CHCHD6: variants seen among roughly 807,000 people sequenced by gnomAD.
CHCHD6 encodes the protein MICOS complex subunit MIC25.
In CHCHD6, 28 loss-of-function variants were observed where a neutral mutation model predicts 32.3. The ratio of observed to expected loss-of-function variants is 0.87; its 90% CI spans 0.64 to 1.19. The LOEUF (loss-of-function observed/expected upper bound fraction) is 1.19, where lower values mean the gene tolerates loss of function less well. Ranked by LOEUF, CHCHD6 falls within the 50% of genes most tolerant of loss-of-function variation. The pLI, the probability that CHCHD6 is intolerant of heterozygous loss-of-function variation, is 0.00. For missense variants in CHCHD6, 333 were observed against 307.0 expected (o/e 1.08, Z -0.63); for synonymous variants, 122 against 117.5 (o/e 1.04, Z -0.25).
chr3:126,762,906 A>G (rs1301054737), intron 4 of CHCHD6, among the ~76,000 whole-genome samples: 6 of 152,098 alleles, frequency 3.9e-5, no homozygotes, highest in Non-Finnish European at 8.8e-5. Flanking sequence ...GTTATTTTGC[A>G]TACTTTCAGT....
intron 6 of CHCHD6, among the ~76,000 whole-genome samples, chr3:126,916,808 A>T (rs2078177992): frequency 6.6e-6 from 1 of 152,258 alleles, no homozygotes; most frequent in African/African-American, 2.4e-5. Flanking sequence ...TGACAGCTAC[A>T]GCATGGATGT....
intron 7 of CHCHD6, chr3:126,957,896 G>A (rs2078809479): frequency 2.5e-6 from 1 of 399,064 alleles, no homozygotes; most frequent in African/African-American, 2.0e-5. Context: ...GCACTTAGGG[G>A]TGGGAGGGTG....
intron 5 of CHCHD6, among the ~76,000 whole-genome samples, chr3:126,864,372 T>C (rs533593711): frequency 1.5e-5 from 2 of 133,270 alleles, no homozygotes; most frequent in African/African-American, 5.8e-5. Context: ...CATCACCACC[T>C]CCACCATCAC....
chr3:126,931,898 G>A (rs1283637854), intron 6 of CHCHD6, among the ~76,000 whole-genome samples: 2 of 152,140 alleles, frequency 1.3e-5, no homozygotes, highest in Admixed American at 6.5e-5. Context: ...CGCCTGGGAC[G>A]GGGAGCCCTC....
intron 4 of CHCHD6, among the ~76,000 whole-genome samples, chr3:126,846,677 C>T (rs114710006): frequency 0.01 from 1,549 of 152,250 alleles, 24 homozygotes; most frequent in African/African-American, 0.035. Context: ...TATCTTCACA[C>T]GTGATATTTA....
intron 5 of CHCHD6, among the ~76,000 whole-genome samples, chr3:126,861,238 A>G (rs1480779318): frequency 1.3e-5 from 2 of 152,034 alleles, no homozygotes; most frequent in African/African-American, 4.8e-5. Context: ...CCACAGACCT[A>G]CAGTTTTTCC....
At chr3:126,807,199 A>T (rs1017730764) in intron 4 of CHCHD6, among the ~76,000 whole-genome samples, 1 of 152,078 alleles carries the variant, frequency 6.6e-6, no homozygotes, top group African/African-American at 2.4e-5. Context: ...AAAGTATAAA[A>T]AAAAAAAAAT....
chr3:126,763,426 A>G (rs956123094), intron 4 of CHCHD6, among the ~76,000 whole-genome samples: 42 of 151,600 alleles, frequency 2.8e-4, no homozygotes, highest in African/African-American at 9.7e-4. Flanking sequence ...TTCTGGGCTC[A>G]CACAAGCCTG....
intron 5 of CHCHD6, among the ~76,000 whole-genome samples, chr3:126,882,829 G>C (rs752693341): frequency 6.6e-6 from 1 of 152,130 alleles, no homozygotes; most frequent in African/African-American, 2.4e-5. Flanking sequence ...ATTTTCTGGC[G>C]TACAACTCCT....
chr3:126,764,955 T>C (rs550028624), intron 4 of CHCHD6, among the ~76,000 whole-genome samples: 2 of 152,142 alleles, frequency 1.3e-5, no homozygotes, highest in Admixed American at 1.3e-4. Flanking sequence ...CAGGCCAGCT[T>C]CCTCCCATAG....
intron 5 of CHCHD6, among the ~76,000 whole-genome samples, chr3:126,857,297 A>G (rs189220520): frequency 3.0e-4 from 45 of 152,298 alleles, no homozygotes; most frequent in Admixed American, 2.5e-3. Flanking sequence ...CTCAGCAGCT[A>G]TGAAGTGGAG....
At chr3:126,863,189 C>T (rs1262755166) in intron 5 of CHCHD6, among the ~76,000 whole-genome samples, 1 of 140,816 alleles carries the variant, frequency 7.1e-6, no homozygotes, top group African/African-American at 2.7e-5. Flanking sequence ...TCCCCCTCCT[C>T]CACCATCACC....
At chr3:126,865,478 C>T (rs1942260258) in intron 5 of CHCHD6, 1 of 744,212 alleles carries the variant, frequency 1.3e-6, no homozygotes, top group African/African-American at 1.9e-5. Context: ...CTTTCATCAA[C>T]TCCATCACCA....
intron 6 of CHCHD6, among the ~76,000 whole-genome samples, chr3:126,924,757 A>T (rs1034556991): frequency 6.6e-6 from 1 of 152,304 alleles, no homozygotes; most frequent in Admixed American, 6.5e-5. Flanking sequence ...ACATGTGAAC[A>T]CCTGAGGCAC....
chr3:126,952,434 C>A (rs1413256605), intron 6 of CHCHD6, among the ~76,000 whole-genome samples: 2 of 152,216 alleles, frequency 1.3e-5, no homozygotes, highest in Admixed American at 6.5e-5. Flanking sequence ...TTGAGCTGGG[C>A]ACCATGCTGG....
At chr3:126,810,337 A>G (rs896650174) in intron 4 of CHCHD6, among the ~76,000 whole-genome samples, 3 of 152,176 alleles carry the variant, frequency 2.0e-5, no homozygotes, top group Non-Finnish European at 4.4e-5. Context: ...GCAAGAGCAA[A>G]ATCTTTACCT....
intron 6 of CHCHD6, among the ~76,000 whole-genome samples, chr3:126,918,013 C>T (rs896197183): frequency 3.3e-5 from 5 of 152,180 alleles, no homozygotes; most frequent in East Asian, 3.8e-4. Flanking sequence ...CTGTTAATAA[C>T]GGCAGTCATT....
chr3:126,790,279 G>A (rs1231199199), intron 4 of CHCHD6, among the ~76,000 whole-genome samples: 1 of 152,192 alleles, frequency 6.6e-6, no homozygotes, highest in East Asian at 1.9e-4. Context: ...TTTCACTTTG[G>A]TGAATCTGAC....
intron 4 of CHCHD6, among the ~76,000 whole-genome samples, chr3:126,735,164 GCCT>G (rs1475442323): frequency 1.3e-5 from 2 of 152,254 alleles, no homozygotes; most frequent in East Asian, 3.9e-4. Context: ...GGAAAAGTTG[GCCT>G]CCTCTAGAGG....
Sources: gnomAD v4.1 joint callset for allele counts (sites outside exome capture counted in the v4.1 genomes callset) on GRCh38, gnomAD v4.1.1 for gene constraint, MANE v1.5 for transcripts, NCBI Gene and HGNC (gene_info 2026-07-23, HGNC 2026-07-21) for gene names.